Variants in SPDYA observed in about 807,000 individuals in gnomAD.
The protein encoded by SPDYA is speedy protein A.
In SPDYA, 11 loss-of-function variants were observed where a neutral mutation model predicts 36.7. The ratio of observed to expected loss-of-function variants is 0.30; its 90% CI spans 0.19 to 0.50. SPDYA has a LOEUF of 0.50. Among genes scored for constraint, SPDYA ranks in the 20% least tolerant of loss-of-function variants. The pLI is 0.98. For missense variants in SPDYA, 287 were observed against 370.9 expected, an observed-to-expected ratio of 0.77 and a Z score of 1.86; for synonymous variants, 115 against 118.7, an observed-to-expected ratio of 0.97 and a Z score of 0.20.
At chr2:28,824,839 G>A (rs892242796) in intron 5 of SPDYA, among the ~76,000 whole-genome samples, 5 of 152,030 alleles carry the variant, frequency 3.3e-5, no homozygotes, top group South Asian at 2.1e-4. Context: ...GTGAGCCACC[G>A]CGCCCAGCCA....
chr2:28,828,752 C>G (rs1004947955), intron 5 of SPDYA, among the ~76,000 whole-genome samples: 2 of 152,128 alleles, frequency 1.3e-5, no homozygotes, highest in Non-Finnish European at 2.9e-5. Context: ...GTGGCTGTTC[C>G]CACCAGCCAG....
chr2:28,843,780 A>G (rs1314657605), intron 7 of SPDYA, among the ~76,000 whole-genome samples: 1 of 152,176 alleles, frequency 6.6e-6, no homozygotes, highest in Non-Finnish European at 1.5e-5. Context: ...AGGTAAAACA[A>G]TAACAGAAAC....
Position 28,839,793 on chromosome 2 carries a change from C to T in SPDYA, c.553-379C>T, listed in dbSNP as rs1408660051. ...CTGGGATTACAGGCGTGAGCCACCG[C>T]GCCCGGCCAATTAACTTTTTTTAAC... On this transcript the variant is annotated intron_variant, in intron 6 of 7. Transcript: ENST00000334056. Among the ~76,000 whole-genome samples, 4 of 152,194 alleles carry T rather than the reference C, an allele frequency of 2.6e-5. No homozygotes were observed. The East Asian group carries it at 5.8e-4, about 22-fold the overall frequency.
intron 3 of SPDYA, among the ~76,000 whole-genome samples, chr2:28,817,644 A>C (rs945214733): frequency 2.6e-5 from 4 of 151,334 alleles, no homozygotes; most frequent in African/African-American, 9.7e-5. Context: ...AGGAGGCTGA[A>C]GGGGGCGGAC....
chr2:28,815,951 T>A (rs1667973030), intron 2 of SPDYA, 46 bp from the exon 3 acceptor site: 1 of 1,272,350 alleles, frequency 7.9e-7, no homozygotes, highest in African/African-American at 1.5e-5. Flanking sequence ...TGTTTATATA[T>A]GAAATGAATG....
intron 4 of SPDYA, among the ~76,000 whole-genome samples, chr2:28,819,850 ATATAT>A (rs1165515238): frequency 1.4e-4 from 1 of 6,900 alleles, no homozygotes; most frequent in African/African-American, 6.5e-4. Flanking sequence ...AAAAAAAAAA[ATATAT>A]ATATATATAT....
intron 1 of SPDYA, among the ~76,000 whole-genome samples, chr2:28,813,464 A>G (rs1204142240): frequency 6.6e-6 from 1 of 152,142 alleles, no homozygotes; most frequent in Non-Finnish European, 1.5e-5. Flanking sequence ...TCAAATTTGA[A>G]GCAGAATTCT....
chr2:28,829,054 G>A, intron 5 of SPDYA, 94 bp from the exon 6 acceptor site: 3 of 1,048,108 alleles, frequency 2.9e-6, no homozygotes, highest in African/African-American at 3.2e-5. Flanking sequence ...CACCTTTCAT[G>A]TGTTTATAAA....
At position 28,811,424 on chromosome 2, in the gene SPDYA, C is replaced by G. The variant is rs1488770469; in HGVS notation, c.-93+477C>G. Among the ~76,000 whole-genome samples, 1 of 152,130 alleles carries G rather than the reference C, an allele frequency of 6.6e-6. No individual in the cohort carries two copies. The highest frequency in any genetic ancestry group is 2.4e-5 in the African/African-American group (1 of 41,440). ...CCTCCTTATGTCCCATTAAACACCT[C>G]TTTTTGTCCCCAAGATCGTCTGCCC... On this transcript the variant is annotated intron_variant, in intron 1 of 7. Transcript: ENST00000334056. The surrounding 1 kb of genome is among the most constrained non-coding windows in gnomAD (Gnocchi z 4.2).
intron 5 of SPDYA, among the ~76,000 whole-genome samples, chr2:28,824,596 G>C (rs981060037): frequency 1.5e-5 from 2 of 136,358 alleles, no homozygotes; most frequent in African/African-American, 5.7e-5. Context: ...GCCCAGGCTG[G>C]AGTGCAGTGG....
At chr2:28,849,530 G>A (rs1668981166) in intron 7 of SPDYA, among the ~76,000 whole-genome samples, 1 of 152,228 alleles carries the variant, frequency 6.6e-6, no homozygotes, top group African/African-American at 2.4e-5. Context: ...GACCTCAGGT[G>A]ATCTGCCTGC....
At chr2:28,826,328 G>C (rs1668318129) in intron 5 of SPDYA, among the ~76,000 whole-genome samples, 1 of 151,696 alleles carries the variant, frequency 6.6e-6, no homozygotes, top group Non-Finnish European at 1.5e-5. Context: ...GTAGAGACAG[G>C]GTTTCACCAT....
chr2:28,841,647 T>G (rs1044993738), intron 7 of SPDYA, among the ~76,000 whole-genome samples: 22 of 152,210 alleles, frequency 1.4e-4, no homozygotes, highest in African/African-American at 4.6e-4. Flanking sequence ...GAAGCTTTAC[T>G]AAAGGAGAAA....
At position 28,850,203 on chromosome 2, in the gene SPDYA, T is replaced by TTC. The variant is rs758968475; in HGVS notation, c.*263_*264insCT. On this transcript the variant is annotated 3_prime_UTR_variant, in exon 8 of 8. Transcript: ENST00000334056. ...AGTTACTGTCATCTGGAGTACTCAG[T>TTC]TAAGTTGTGGTTTGACCTTCCTCAA... is the stretch of plus-strand genomic sequence containing the variant. 1 of 1,611,776 alleles carries TTC rather than the reference T, an allele frequency of 6.2e-7. No homozygotes were observed. The highest frequency in any genetic ancestry group is 8.5e-7 in the Non-Finnish European group (1 of 1,178,930).
intron 4 of SPDYA, among the ~76,000 whole-genome samples, chr2:28,819,717 C>A (rs1293041513): frequency 1.4e-5 from 2 of 147,504 alleles, no homozygotes; most frequent in Non-Finnish European, 3.0e-5. Context: ...GGTGTGGCAG[C>A]TCATGCCTGT....
At chr2:28,828,333 C>A (rs1480976960) in intron 5 of SPDYA, among the ~76,000 whole-genome samples, 1 of 152,082 alleles carries the variant, frequency 6.6e-6, no homozygotes, top group Non-Finnish European at 1.5e-5. Context: ...CTGTGTATTT[C>A]ATCTTGAATA....
At chr2:28,828,633 C>G (rs1176013649) in intron 5 of SPDYA, among the ~76,000 whole-genome samples, 1 of 152,202 alleles carries the variant, frequency 6.6e-6, no homozygotes, top group Non-Finnish European at 1.5e-5. Context: ...AAGCATTCAG[C>G]AGAATGCTGA....
chr2:28,828,503 T>TA (rs1668390067), intron 5 of SPDYA, among the ~76,000 whole-genome samples: 1 of 152,254 alleles, frequency 6.6e-6, no homozygotes, highest in African/African-American at 2.4e-5. Context: ...AGAATAGTTA[T>TA]AACTGTTCCA....
chr2:28,824,553 C>CTTTTT (rs780274293), intron 5 of SPDYA, among the ~76,000 whole-genome samples: 1 of 133,298 alleles, frequency 7.5e-6, no homozygotes, highest in Non-Finnish European at 1.6e-5. Flanking sequence ...TTCTTTCTTT[C>CTTTTT]TTTTTTTTTT....
Sources: gnomAD v4.1 joint callset for allele counts (sites outside exome capture counted in the v4.1 genomes callset) on GRCh38, gnomAD v4.1.1 for gene constraint, Gnocchi (gnomAD v3.1) non-coding constraint, MANE v1.5 for transcripts, NCBI Gene and HGNC (gene_info 2026-07-23, HGNC 2026-07-21) for gene names.